ANLN: variants seen among roughly 807,000 people sequenced by gnomAD.
The protein encoded by ANLN is anillin, actin binding protein.
In ANLN, 59 loss-of-function variants were observed where a neutral mutation model predicts 135.1. The observed-to-expected ratio is 0.44, with a 90% CI of 0.35 to 0.54. The LOEUF is 0.54. Among genes scored for constraint, ANLN ranks in the 20% least tolerant of loss-of-function variants. The pLI is 0.00. For synonymous variants in ANLN, 406 were observed against 456.4 expected (o/e 0.89, Z 1.41); for missense variants, 1,182 against 1,340.0 (o/e 0.88, Z 1.84).
At chr7:36,393,876 G>T (rs561356676) in intron 1 of ANLN, among the ~76,000 whole-genome samples, 7 of 152,316 alleles carry the variant, frequency 4.6e-5, no homozygotes, top group African/African-American at 1.4e-4. Context: ...TAGAGTAAAA[G>T]AAAAACTTTG....
chr7:36,444,289 CAA>C (rs35434005), intron 22 of ANLN, among the ~76,000 whole-genome samples: 152 of 132,336 alleles, frequency 1.1e-3, no homozygotes, highest in African/African-American at 1.5e-3. Context: ...GACTCCATCT[CAA>C]AAAAAAAAAA....
intron 1 of ANLN, among the ~76,000 whole-genome samples, chr7:36,393,883 T>C (rs1432858956): frequency 3.3e-5 from 5 of 152,304 alleles, no homozygotes; most frequent in African/African-American, 1.2e-4. Flanking sequence ...AAAGAAAAAC[T>C]TTGGCAGTTA....
chr7:36,411,297 A>G (rs1787403841), intron 7 of ANLN, 131 bp downstream of exon 7: 1 of 667,544 alleles, frequency 1.5e-6, no homozygotes, highest in Non-Finnish European at 2.4e-6. Flanking sequence ...TTTCGTTTAT[A>G]AATCCCTTAA....
intron 20 of ANLN, among the ~76,000 whole-genome samples, chr7:36,433,014 C>G (rs1167055812): frequency 2.0e-5 from 3 of 152,064 alleles, no homozygotes; most frequent in African/African-American, 4.8e-5. Flanking sequence ...TGGGGTCTTG[C>G]TATGTTTTCC....
chr7:36,404,187 C>T (rs1465127695), intron 3 of ANLN, among the ~76,000 whole-genome samples: 1 of 152,072 alleles, frequency 6.6e-6, no homozygotes, highest in East Asian at 1.9e-4. Flanking sequence ...TTAGGCTGGT[C>T]TCGAACTCCT....
chr7:36,438,085 A>G (rs1399840699), intron 20 of ANLN, among the ~76,000 whole-genome samples: 1 of 152,134 alleles, frequency 6.6e-6, no homozygotes, highest in African/African-American at 2.4e-5. Context: ...CACCGCGCCC[A>G]GCCTTTCTAA....
At chr7:36,411,787 GTTTT>G (rs1321463992) in intron 7 of ANLN, among the ~76,000 whole-genome samples, 1 of 152,170 alleles carries the variant, frequency 6.6e-6, no homozygotes, top group African/African-American at 2.4e-5. Flanking sequence ...TGATTGATTT[GTTTT>G]TTATCAGTTC....
chr7:36,427,191 T>G (rs1788117159), intron 20 of ANLN, among the ~76,000 whole-genome samples, 163 bp downstream of exon 20: 4 of 140,186 alleles, frequency 2.9e-5, no homozygotes, highest in Admixed American at 1.4e-4. Flanking sequence ...ACCTAAATGT[T>G]TTTTTTTTTT....
At position 36,428,431 on chromosome 7, in the gene ANLN, T is replaced by C. The variant is rs537779168; in HGVS notation, c.2883+1403T>C. 10 of 812,822 alleles carry C rather than the reference T, an allele frequency of 1.2e-5. No individual in the cohort carries two copies. In the Middle Eastern group the frequency reaches 1.0e-3, roughly 83 times the overall value. 50.4% of individuals were successfully genotyped at this position (812,822 alleles called of 1,614,324 possible). A position where few individuals can be genotyped will look rare whatever the true frequency, so the allele number is the denominator to read the frequency against. ...ATCCTTAATTTTTGATCTACATATA[T>C]TTGTTTTACTAACTATCTTTTTGTT... is the stretch of plus-strand genomic sequence containing the variant. On this transcript the variant is annotated intron_variant, in intron 20 of 23. Transcript: ENST00000265748.
intron 3 of ANLN, among the ~76,000 whole-genome samples, chr7:36,403,776 C>T (rs912991123): frequency 6.6e-6 from 1 of 151,950 alleles, no homozygotes. Flanking sequence ...CTCAGTGACC[C>T]GAGTAGCTGG....
intron 20 of ANLN, chr7:36,428,284 GTC>G (rs1562809809): frequency 3.3e-6 from 4 of 1,222,014 alleles, no homozygotes; most frequent in Non-Finnish European, 4.2e-6. Flanking sequence ...TTTTTTCTCT[GTC>G]TCTTATTTTG....
At chr7:36,406,620 G>T in intron 4 of ANLN, 54 bp downstream of exon 4, 1 of 1,430,392 alleles carries the variant, frequency 7.0e-7, no homozygotes, top group Non-Finnish European at 9.2e-7. Flanking sequence ...CGTTATGAGT[G>T]GTATAATACA....
rs530260848 is a variant in ANLN at position 36,437,894 on chromosome 7, C to T, written c.2884-1310C>T. 3.9e-5 allele frequency among the ~76,000 whole-genome samples: 6 copies of T among 152,194 alleles called. No individual in the cohort carries two copies. In the East Asian group the frequency reaches 1.2e-3, roughly 29 times the overall value. On this transcript the variant is annotated intron_variant, in intron 20 of 23. Coordinates refer to ENST00000265748, the MANE Select transcript of ANLN (RefSeq NM_018685.5). ...CAAGTGATTCTCCTGCCTCAGCCTC[C>T]CGAGTAGCTGGGATTACAGGCATGT...
At chr7:36,450,727 G>T (rs148279091) in intron 23 of ANLN, among the ~76,000 whole-genome samples, 64 of 152,280 alleles carry the variant, frequency 4.2e-4, no homozygotes, top group African/African-American at 1.3e-3. Context: ...AGACAGGGCA[G>T]GACAGGCAAA....
Position 36,417,130 on chromosome 7 carries a change from T to A in ANLN, c.1573T>A (p.Phe525Ile). The change falls in exon 9 of 24, where the codon TTT becomes ATT. Residue 525 changes from phenylalanine (F) to isoleucine (I), a missense_variant. Around this residue, in one of 3 missense-constraint regions of ANLN, gnomAD observed 1,022 missense variants for 1,134.0 expected, o/e 0.90. Coordinates refer to ENST00000265748, the MANE Select transcript of ANLN (RefSeq NM_018685.5). ...ATCTAGCCCTTTGAAAATAACATTGTTTTTAGAAGAGGACAAATCCTTAAA... is the reference window on the plus strand; with the variant it reads ...ATCTAGCCCTTTGAAAATAACATTGATTTTAGAAGAGGACAAATCCTTAAA... ...TKSSPLKITL[F>I]LEEDKSLKVT... is the part of the protein sequence containing the mutation. The A allele has an allele frequency of 6.2e-7, 1 of 1,609,756 alleles. No individual in the cohort carries two copies. The highest frequency in any genetic ancestry group is 8.5e-7 in the Non-Finnish European group (1 of 1,178,442).
At chr7:36,397,706 A>T (rs1786764836) in intron 2 of ANLN, among the ~76,000 whole-genome samples, 1 of 152,232 alleles carries the variant, frequency 6.6e-6, no homozygotes, top group Admixed American at 6.5e-5. Flanking sequence ...TGAGCTCAGA[A>T]GTTGGAGACC....
intron 1 of ANLN, among the ~76,000 whole-genome samples, chr7:36,390,862 C>G (rs1786421005): frequency 1.3e-5 from 2 of 152,272 alleles, no homozygotes; most frequent in South Asian, 4.1e-4. Context: ...TGTTTTGTTG[C>G]CAGTTGTCCA....
Position 36,452,732 on chromosome 7 carries a change from A to G in ANLN, c.*132A>G. ...TTTGTGCCAATATTCACTACGTATTATGCAGTATTTATATCTTTTGTATGT... is the reference window on the plus strand; with the variant it reads ...TTTGTGCCAATATTCACTACGTATTGTGCAGTATTTATATCTTTTGTATGT... On this transcript the variant is annotated 3_prime_UTR_variant, in exon 24 of 24. Coordinates refer to ENST00000265748, the MANE Select transcript of ANLN (RefSeq NM_018685.5). The G allele has an allele frequency of 9.9e-7, 1 of 1,009,636 alleles. No individual in the cohort carries two copies. The highest frequency in any genetic ancestry group is 1.6e-5 in the African/African-American group (1 of 62,380). The allele number at this position is 1,009,636 out of a possible 1,614,324, so 62.5% of individuals were successfully genotyped here.
chr7:36,392,920 C>T (rs1032019938), intron 1 of ANLN, among the ~76,000 whole-genome samples: 5 of 151,734 alleles, frequency 3.3e-5, no homozygotes, highest in Admixed American at 2.0e-4. Flanking sequence ...GGCATGTCCA[C>T]GAATGAATAT....
Sources: allele counts gnomAD v4.1 joint callset (sites outside exome capture counted in the v4.1 genomes callset), GRCh38; gene constraint gnomAD v4.1.1; regional missense constraint gnomAD v4.1.1; transcripts MANE v1.5; gene names NCBI Gene and HGNC (gene_info 2026-07-23, HGNC 2026-07-21).